Variants in KCNK13 observed in about 807,000 individuals in gnomAD.
KCNK13 encodes the protein potassium channel subfamily K member 13.
KCNK13 carries 12 observed loss-of-function variants against 23.4 expected under a neutral mutation model. The ratio of observed to expected loss-of-function variants is 0.51; its 90% CI spans 0.33 to 0.83. The LOEUF (loss-of-function observed/expected upper bound fraction) is 0.83. Among genes scored for constraint, KCNK13 ranks in the 40% least tolerant of loss-of-function variants. The probability of loss-of-function intolerance (pLI) is 0.02; values close to 1 mark genes in which losing one functional copy is unlikely to be tolerated. For missense variants in KCNK13, 463 were observed against 556.3 expected, an observed-to-expected ratio of 0.83 and a Z score of 1.69; for synonymous variants, 231 against 229.5, an observed-to-expected ratio of 1.01 and a Z score of -0.06.
chr14:90,094,895 G>C (rs991308560), intron 1 of KCNK13, among the ~76,000 whole-genome samples: 6 of 151,934 alleles, frequency 3.9e-5, no homozygotes, highest in African/African-American at 1.4e-4. Context: ...GATCCTCCCG[G>C]CTCGGCCTCC....
At chr14:90,141,305 A>T (rs962135560) in intron 1 of KCNK13, among the ~76,000 whole-genome samples, 4 of 152,232 alleles carry the variant, frequency 2.6e-5, no homozygotes, top group African/African-American at 9.6e-5. Context: ...CTTGAACTAT[A>T]ATTGACATAC....
chr14:90,184,107 G>T lies in KCNK13; in HGVS notation c.335-4G>T. The T allele has an allele frequency of 1.2e-6, 2 of 1,609,088 alleles. No homozygotes were observed. Among genetic ancestry groups the T allele is most frequent in the Non-Finnish European group, 1.7e-6 (2 of 1,176,852 alleles). On this transcript the variant is annotated splice_region_variant and splice_polypyrimidine_tract_variant and intron_variant, in intron 1 of 1. Transcript: ENST00000282146. This position sits in a 1 kb window ranked among gnomAD's most constrained non-coding sequence, Gnocchi z 5.6. ...TACTCTTCTCTCATTTTTCTCTCCT[G>T]CAGGGTTTGGGATGACAACTCCGGC...
At position 90,092,735 on chromosome 14, in the gene KCNK13, A is replaced by G. The variant is rs145445665; in HGVS notation, c.334+30196A>G. On this transcript the variant is annotated intron_variant, in intron 1 of 1. Transcript: ENST00000282146. ...TTGAGACCAGCCTGGGCAACATAGC[A>G]AGATCCCATCTCTGCAAAAACTAAA... is the stretch of plus-strand genomic sequence containing the variant. Among the ~76,000 whole-genome samples, 1,104 of 152,016 alleles carry G rather than the reference A, an allele frequency of 7.3e-3. 17 individuals carry two copies. Among genetic ancestry groups the G allele is most frequent in the African/African-American group, 0.025 (1,042 of 41,458 alleles).
intron 1 of KCNK13, among the ~76,000 whole-genome samples, chr14:90,133,143 T>C (rs1003780212): frequency 1.1e-4 from 16 of 152,196 alleles, no homozygotes; most frequent in African/African-American, 3.4e-4. Context: ...GGGCCAGATG[T>C]TTGACAAGCT....
chr14:90,144,263 G>A (rs1890048108), intron 1 of KCNK13, among the ~76,000 whole-genome samples: 1 of 152,052 alleles, frequency 6.6e-6, no homozygotes, highest in Non-Finnish European at 1.5e-5. Context: ...TACTGGTCTT[G>A]TACATCTTTT....
At chr14:90,086,071 A>C (rs984753980) in intron 1 of KCNK13, among the ~76,000 whole-genome samples, 1 of 151,570 alleles carries the variant, frequency 6.6e-6, no homozygotes, top group Non-Finnish European at 1.5e-5. Context: ...CATTCTTCCT[A>C]TTGTAAGACA....
intron 1 of KCNK13, among the ~76,000 whole-genome samples, chr14:90,075,346 C>T (rs1889122157): frequency 6.6e-6 from 1 of 152,200 alleles, no homozygotes. Flanking sequence ...GCCTCCATGC[C>T]TCCCAGGTCC....
intron 1 of KCNK13, among the ~76,000 whole-genome samples, chr14:90,141,797 G>A (rs922722471): frequency 6.9e-6 from 1 of 145,650 alleles, no homozygotes. Flanking sequence ...TGTTTTTTGG[G>A]GGGGGGGACG....
intron 1 of KCNK13, among the ~76,000 whole-genome samples, chr14:90,118,326 T>C (rs1167360531): frequency 1.3e-5 from 2 of 152,180 alleles, no homozygotes; most frequent in African/African-American, 2.4e-5. Context: ...CCACGTTTGT[T>C]TTCTAGGGCT....
At position 90,082,226 on chromosome 14, in the gene KCNK13, TA is replaced by T. The variant is rs1216401091; in HGVS notation, c.334+19689del. On this transcript the variant is annotated intron_variant, in intron 1 of 1. Transcript: ENST00000282146. ...ATAGGCATATGCCACCACACCCAGCTAATTTTTTTTTTTTTTTTAGTAGAGA... is the reference window on the plus strand; with the variant it reads ...ATAGGCATATGCCACCACACCCAGCTATTTTTTTTTTTTTTTTAGTAGAGA... 2.7e-5 allele frequency among the ~76,000 whole-genome samples: 4 copies of T among 147,964 alleles called. No homozygotes were observed. In the East Asian group the frequency reaches 8.2e-4, roughly 30 times the overall value.
At chr14:90,162,180 GA>G (rs528092900) in intron 1 of KCNK13, among the ~76,000 whole-genome samples, 24 of 152,064 alleles carry the variant, frequency 1.6e-4, no homozygotes, top group African/African-American at 5.3e-4. Flanking sequence ...CCCTCTCTCA[GA>G]AAAAACAAAA....
intron 1 of KCNK13, among the ~76,000 whole-genome samples, chr14:90,066,588 T>C (rs1889012347): frequency 6.6e-6 from 1 of 152,174 alleles, no homozygotes; most frequent in Admixed American, 6.5e-5. Context: ...TTCTCAAAAG[T>C]ATTTTCTCTT....
At chr14:90,156,212 A>AAC (rs1195847154) in intron 1 of KCNK13, among the ~76,000 whole-genome samples, 21 of 151,688 alleles carry the variant, frequency 1.4e-4, no homozygotes, top group Non-Finnish European at 2.8e-4. Context: ...CCAAAAAAAA[A>AAC]AAAAACCTAA....
intron 1 of KCNK13, among the ~76,000 whole-genome samples, chr14:90,085,866 A>C (rs1190488405): frequency 7.0e-6 from 1 of 142,760 alleles, no homozygotes; most frequent in African/African-American, 2.6e-5. Flanking sequence ...ATAATATATA[A>C]ATTTATATCT....
intron 1 of KCNK13, among the ~76,000 whole-genome samples, chr14:90,182,889 C>T (rs12101119): frequency 0.015 from 2,276 of 151,564 alleles, 52 homozygotes; most frequent in African/African-American, 0.052. Flanking sequence ...CTCAGGGAGG[C>T]ATGCTCAGTA....
intron 1 of KCNK13, among the ~76,000 whole-genome samples, chr14:90,173,310 T>C (rs1010370361): frequency 1.3e-5 from 2 of 152,076 alleles, no homozygotes; most frequent in Admixed American, 6.6e-5. Flanking sequence ...TGAGCTATGA[T>C]TGCACCACTG....
At chr14:90,072,364 G>A (rs1394730656) in intron 1 of KCNK13, among the ~76,000 whole-genome samples, 1 of 152,212 alleles carries the variant, frequency 6.6e-6, no homozygotes, top group Non-Finnish European at 1.5e-5. Context: ...GTGTAACGGG[G>A]TGTAGGACAT....
intron 1 of KCNK13, among the ~76,000 whole-genome samples, chr14:90,065,976 T>A (rs150357478): frequency 5.8e-4 from 89 of 152,262 alleles, no homozygotes; most frequent in Middle Eastern, 3.4e-3. Context: ...CTAATTCTCC[T>A]TTTTTGAGAC....
intron 1 of KCNK13, among the ~76,000 whole-genome samples, chr14:90,101,390 A>G (rs188597306): frequency 1.3e-5 from 2 of 152,032 alleles, no homozygotes; most frequent in Non-Finnish European, 2.9e-5. Flanking sequence ...TACTTAGACG[A>G]GGGGGCAGGG....
Sources: allele counts gnomAD v4.1 joint callset (sites outside exome capture counted in the v4.1 genomes callset), GRCh38; gene constraint gnomAD v4.1.1; non-coding constraint Gnocchi (gnomAD v3.1); transcripts MANE v1.5; gene names NCBI Gene and HGNC (gene_info 2026-07-23, HGNC 2026-07-21).